The following CDYL variants were observed in gnomAD, a reference collection of about 807,000 sequenced individuals.
CDYL encodes the protein chromodomain Y-like protein.
CDYL carries 8 observed loss-of-function variants against 47.3 expected under a neutral mutation model. The ratio of observed to expected loss-of-function variants is 0.17; its 90% CI spans 0.10 to 0.31. The LOEUF (loss-of-function observed/expected upper bound fraction) is 0.31. Among genes scored for constraint, CDYL ranks in the 10% least tolerant of loss-of-function variants. The pLI, the probability that CDYL is intolerant of heterozygous loss-of-function variation, is 1.00. For missense variants in CDYL, 471 were observed against 701.4 expected (o/e 0.67, Z 3.71); for synonymous variants, 266 against 265.0 (o/e 1.00, Z -0.04).
chr6:4,836,976 G>A (rs1023557643), intron 1 of CDYL, among the ~76,000 whole-genome samples: 1 of 152,202 alleles, frequency 6.6e-6, no homozygotes, highest in Non-Finnish European at 1.5e-5. Context: ...CACCTCTGCT[G>A]GGTGGAAGTC....
intron 1 of CDYL, among the ~76,000 whole-genome samples, chr6:4,791,675 G>C (rs1399539224): frequency 6.6e-6 from 1 of 151,604 alleles, no homozygotes; most frequent in Non-Finnish European, 1.5e-5. Context: ...TAAGGGCCCT[G>C]TGCGTGTTTA....
intron 2 of CDYL, among the ~76,000 whole-genome samples, chr6:4,894,969 G>GTATA (rs570379438): frequency 1.0e-5 from 1 of 95,512 alleles, no homozygotes; most frequent in Non-Finnish European, 2.5e-5. Flanking sequence ...ATACGTATGT[G>GTATA]TATATGTGTA....
chr6:4,755,375 T>A (rs1479834548), intron 3 of CDYL, among the ~76,000 whole-genome samples: 9 of 152,140 alleles, frequency 5.9e-5, no homozygotes, highest in Admixed American at 5.9e-4. Flanking sequence ...CCGACCACCT[T>A]TGCCTTGTTA....
At position 4,723,843 on chromosome 6, in the gene CDYL, G is replaced by A. The variant is rs541619135; in HGVS notation, c.103+7962G>A. Reference sequence around the variant, plus strand: ...GCACATACTGAGACAACTCACTAGTGCCAAAAACTGAGTGTTTAGGTCTAA... The same window carrying A: ...GCACATACTGAGACAACTCACTAGTACCAAAAACTGAGTGTTTAGGTCTAA... On this transcript the variant is annotated intron_variant, in intron 2 of 8. Transcript: ENST00000328908. Among the ~76,000 whole-genome samples the A allele has an allele frequency of 2.1e-4, 32 of 152,338 alleles. 1 individual carries two copies. Among genetic ancestry groups the A allele is most frequent in the Middle Eastern group, 6.8e-3 (2 of 294 alleles).
At chr6:4,745,558 A>G (rs905395612) in intron 3 of CDYL, among the ~76,000 whole-genome samples, 1 of 149,784 alleles carries the variant, frequency 6.7e-6, no homozygotes, top group African/African-American at 2.5e-5. Context: ...CCTGGCCAAC[A>G]TAGTGAAACC....
intron 1 of CDYL, among the ~76,000 whole-genome samples, chr6:4,715,409 T>G (rs1665025925): frequency 6.6e-6 from 1 of 152,266 alleles, no homozygotes. Context: ...TCCAACCTCA[T>G]GATAAGTATC....
intron 2 of CDYL, among the ~76,000 whole-genome samples, chr6:4,915,323 G>A (rs1266906846): frequency 6.6e-6 from 1 of 152,122 alleles, no homozygotes; most frequent in East Asian, 1.9e-4. Flanking sequence ...ATTTTGCTTG[G>A]CCCTGATATT....
chr6:4,819,749 T>C (rs1759781180), intron 1 of CDYL, among the ~76,000 whole-genome samples: 1 of 152,184 alleles, frequency 6.6e-6, no homozygotes, highest in Non-Finnish European at 1.5e-5. Context: ...TGGCAATGTC[T>C]GGAGACATTT....
chr6:4,919,014 A>G (rs1757634677), intron 2 of CDYL, among the ~76,000 whole-genome samples: 1 of 152,232 alleles, frequency 6.6e-6, no homozygotes, highest in Non-Finnish European at 1.5e-5. Context: ...GGGCAAAGAC[A>G]CTTGACTGTC....
chr6:4,805,035 A>T (rs1362982531), intron 1 of CDYL, among the ~76,000 whole-genome samples: 1 of 152,204 alleles, frequency 6.6e-6, no homozygotes, highest in Non-Finnish European at 1.5e-5. Flanking sequence ...CAGATTTCTA[A>T]ATCAGACCAA....
At chr6:4,913,784 A>G (rs989050256) in intron 2 of CDYL, among the ~76,000 whole-genome samples, 1 of 152,248 alleles carries the variant, frequency 6.6e-6, no homozygotes, top group African/African-American at 2.4e-5. Context: ...CCACTATTGT[A>G]GCCTGAAAGC....
chr6:4,866,102 C>T (rs1025117247), intron 1 of CDYL, among the ~76,000 whole-genome samples: 9 of 152,096 alleles, frequency 5.9e-5, no homozygotes, highest in African/African-American at 1.4e-4. Context: ...TCTAATCTTA[C>T]GCATTTTGGA....
At chr6:4,934,423 C>G (rs552482517) in intron 2 of CDYL, among the ~76,000 whole-genome samples, 1 of 152,096 alleles carries the variant, frequency 6.6e-6, no homozygotes. Context: ...GGTTATTTGG[C>G]TCCTCTGAAA....
chr6:4,810,728 G>A (rs543486793), intron 1 of CDYL, among the ~76,000 whole-genome samples: 6 of 152,144 alleles, frequency 3.9e-5, no homozygotes, highest in Admixed American at 1.3e-4. Context: ...TGCCTGGCGA[G>A]GGCTGCTCTC....
At chr6:4,798,834 C>G (rs1011803567) in intron 1 of CDYL, among the ~76,000 whole-genome samples, 1 of 149,244 alleles carries the variant, frequency 6.7e-6, no homozygotes, top group South Asian at 2.1e-4. Context: ...GAATTCACAG[C>G]CTTTAATTAA....
At chr6:4,743,609 A>T (rs1757835253) in intron 3 of CDYL, among the ~76,000 whole-genome samples, 1 of 152,214 alleles carries the variant, frequency 6.6e-6, no homozygotes, top group African/African-American at 2.4e-5. Flanking sequence ...AACAAGGGTC[A>T]CTAATTTTCC....
intron 3 of CDYL, among the ~76,000 whole-genome samples, chr6:4,750,121 T>C (rs1757964838): frequency 6.6e-6 from 1 of 152,150 alleles, no homozygotes; most frequent in African/African-American, 2.4e-5. Context: ...GGAAGACTGC[T>C]TGAGGCCAGG....
At chr6:4,728,409 T>C (rs1757551496) in intron 2 of CDYL, among the ~76,000 whole-genome samples, 1 of 152,174 alleles carries the variant, frequency 6.6e-6, no homozygotes, top group African/African-American at 2.4e-5. Context: ...GTTCCTCCTC[T>C]TCACTCCCCC....
chr6:4,832,799 T>G (rs1201205205), intron 1 of CDYL, among the ~76,000 whole-genome samples: 1 of 147,614 alleles, frequency 6.8e-6, no homozygotes. Context: ...CCTGGTTTAG[T>G]CTTGGGAGAG....
Sources: gnomAD v4.1 joint callset for allele counts (sites outside exome capture counted in the v4.1 genomes callset) on GRCh38, gnomAD v4.1.1 for gene constraint, MANE v1.5 for transcripts, NCBI Gene and HGNC (gene_info 2026-07-23, HGNC 2026-07-21) for gene names.